SMAP1: variants seen among roughly 807,000 people sequenced by gnomAD.
SMAP1 encodes small ArfGAP 1.
A neutral mutation model predicts 58.5 loss-of-function variants in SMAP1; 24 were observed. The ratio of observed to expected loss-of-function variants is 0.41; its 90% CI spans 0.30 to 0.58. SMAP1 has a LOEUF of 0.58. Ranked by LOEUF, SMAP1 falls within the 20% of genes least tolerant of loss-of-function variation. The probability of loss-of-function intolerance (pLI) is 0.29; values close to 1 mark genes in which losing one functional copy is unlikely to be tolerated. For missense variants in SMAP1, 563 were observed against 566.3 expected, an observed-to-expected ratio of 0.99 and a Z score of 0.06; for synonymous variants, 216 against 196.6, an observed-to-expected ratio of 1.10 and a Z score of -0.82.
Position 70,860,664 on chromosome 6 carries a change from T to C in SMAP1, c.*330T>C. The C allele has an allele frequency of 9.6e-6, 4 of 418,120 alleles. No homozygotes were observed. Among genetic ancestry groups the C allele is most frequent in the East Asian group, 3.5e-5 (1 of 28,892 alleles). The allele number at this position is 418,120 out of a possible 1,614,324, so 25.9% of individuals were successfully genotyped here. A position where few individuals can be genotyped will look rare whatever the true frequency, so the allele number is the denominator to read the frequency against. ...TGTTTGCATATAAGGGAAGTAGTTA[T>C]CATGTTAGTAATACCTCTAATAGTA... On this transcript the variant is annotated 3_prime_UTR_variant, in exon 11 of 11. Transcript: ENST00000370455.
intron 6 of SMAP1, among the ~76,000 whole-genome samples, chr6:70,823,249 TTATTAA>T (rs1002165092): frequency 1.7e-4 from 26 of 152,256 alleles, no homozygotes; most frequent in African/African-American, 6.3e-4. Context: ...AAATAGGACT[TTATTAA>T]TATTTCGGGG....
chr6:70,850,942 A>T (rs955684794), intron 7 of SMAP1, among the ~76,000 whole-genome samples: 1 of 152,184 alleles, frequency 6.6e-6, no homozygotes, highest in Non-Finnish European at 1.5e-5. Flanking sequence ...AATGAAAAAA[A>T]GTATTTTCAT....
rs747231842 is a variant in SMAP1 at position 70,668,001 on chromosome 6, A to AGG, written c.-22_-21dup. On this transcript the variant is annotated 5_prime_UTR_variant, in exon 1 of 11. Transcript: ENST00000370455. ...CGTCCGCCGCCGCCGTAGCTGCCCCAGGCTCCCCGCCCCGCTGCCGAGATG... is the reference window on the plus strand; with the variant it reads ...CGTCCGCCGCCGCCGTAGCTGCCCCAGGGGCTCCCCGCCCCGCTGCCGAGATG... 12 of 1,566,706 alleles carry AGG rather than the reference A, an allele frequency of 7.7e-6. No individual in the cohort carries two copies. In the Admixed American group the frequency reaches 1.9e-4, roughly 24 times the overall value.
chr6:70,803,648 C>T (rs530659904), intron 6 of SMAP1, among the ~76,000 whole-genome samples: 1 of 152,248 alleles, frequency 6.6e-6, no homozygotes, highest in Non-Finnish European at 1.5e-5. Flanking sequence ...ATAAATTTCC[C>T]TCTACACACT....
At chr6:70,681,924 C>T (rs1312864883) in intron 1 of SMAP1, among the ~76,000 whole-genome samples, 24 of 151,944 alleles carry the variant, frequency 1.6e-4, no homozygotes, top group Non-Finnish European at 8.8e-5. Flanking sequence ...TAAGAGCAAG[C>T]AAGTTCTCTA....
At chr6:70,725,740 C>T (rs1768753255) in intron 1 of SMAP1, among the ~76,000 whole-genome samples, 1 of 152,182 alleles carries the variant, frequency 6.6e-6, no homozygotes. Context: ...ATTCTCTACC[C>T]TTTGCAGTTT....
Sources: gnomAD v4.1 joint callset for allele counts (sites outside exome capture counted in the v4.1 genomes callset) on GRCh38, gnomAD v4.1.1 for gene constraint, MANE v1.5 for transcripts, NCBI Gene and HGNC (gene_info 2026-07-23, HGNC 2026-07-21) for gene names.